MTHFD2L: variants seen among roughly 807,000 people sequenced by gnomAD.
MTHFD2L encodes bifunctional methylenetetrahydrofolate dehydrogenase/cyclohydrolase 2, mitochondrial.
MTHFD2L carries 29 observed loss-of-function variants against 34.9 expected under a neutral mutation model. The observed-to-expected ratio is 0.83, with a 90% CI of 0.62 to 1.13. The LOEUF (loss-of-function observed/expected upper bound fraction) is 1.13, where lower values mean the gene tolerates loss of function less well. MTHFD2L is among the 50% of genes most tolerant of loss of function. MTHFD2L has a pLI of 0.00. For missense variants in MTHFD2L, 481 were observed against 446.5 expected (o/e 1.08, Z -0.70); for synonymous variants, 167 against 155.7 (o/e 1.07, Z -0.54).
intron 5 of MTHFD2L, among the ~76,000 whole-genome samples, chr4:74,216,834 C>G (rs7681763): frequency 5.3e-5 from 8 of 151,482 alleles, no homozygotes; most frequent in Non-Finnish European, 1.2e-4. Flanking sequence ...CTAGTTAAGA[C>G]AACTTCTATT....
rs1722919990 is a variant in MTHFD2L, at chr4:74,136,236, T to C, written c.-297+10719T>C. ...TATATGCAGAAAAACCTAAAGACTCTACCAAAAAAAACTGTTATAACTCAT... is the reference window on the plus strand; with the variant it reads ...TATATGCAGAAAAACCTAAAGACTCCACCAAAAAAAACTGTTATAACTCAT... On this transcript the variant is annotated intron_variant, in intron 1 of 7. Coordinates refer to the MTHFD2L transcript ENST00000433372. 3.3e-5 allele frequency among the ~76,000 whole-genome samples: 5 copies of C among 152,070 alleles called. 1 individual carries two copies. The South Asian group carries it at 1.0e-3, about 32-fold the overall frequency.
chr4:74,163,205 C>T (rs1306659678), intron 1 of MTHFD2L, among the ~76,000 whole-genome samples: 1 of 152,094 alleles, frequency 6.6e-6, no homozygotes, highest in Non-Finnish European at 1.5e-5. Flanking sequence ...ATCATCTGCA[C>T]ATCACTATTT....
intron 6 of MTHFD2L, among the ~76,000 whole-genome samples, chr4:74,263,318 T>C (rs986624415): frequency 2.0e-5 from 3 of 152,066 alleles, no homozygotes; most frequent in Non-Finnish European, 4.4e-5. Flanking sequence ...TTTGAGCTCT[T>C]TTTTGGTTCC....
chr4:74,236,048 G>A (rs150760575), intron 6 of MTHFD2L, among the ~76,000 whole-genome samples: 49 of 152,172 alleles, frequency 3.2e-4, no homozygotes, highest in Non-Finnish European at 5.4e-4. Context: ...TTTAATAAAT[G>A]TTCCCAGCAG....
intron 6 of MTHFD2L, among the ~76,000 whole-genome samples, chr4:74,240,162 C>T (rs1741489792): frequency 6.6e-6 from 1 of 152,176 alleles, no homozygotes; most frequent in Non-Finnish European, 1.5e-5. Context: ...GGAAGCTCTG[C>T]AAAGGGTTTT....
At chr4:74,180,895 T>C (rs752868659) in intron 3 of MTHFD2L, 9 of 185,824 alleles carry the variant, frequency 4.8e-5, no homozygotes, top group Non-Finnish European at 1.1e-4. Context: ...ATTTATGTTA[T>C]ATTCTTTTTT....
intron 6 of MTHFD2L, among the ~76,000 whole-genome samples, chr4:74,256,363 G>A (rs1744027121): frequency 1.3e-5 from 2 of 151,942 alleles, no homozygotes. Flanking sequence ...TGCCTGTCTC[G>A]GTACCTCCCA....
At chr4:74,254,402 TAAAC>T (rs1743715322) in intron 6 of MTHFD2L, among the ~76,000 whole-genome samples, 2 of 152,296 alleles carry the variant, frequency 1.3e-5, no homozygotes, top group South Asian at 4.1e-4. Flanking sequence ...TGAATCATCT[TAAAC>T]AAGAGAACCC....
At position 74,246,298 on chromosome 4, in the gene MTHFD2L, G is replaced by A. The variant is rs950232422; in HGVS notation, c.805+20904G>A. 6.6e-5 allele frequency among the ~76,000 whole-genome samples: 10 copies of A among 151,824 alleles called. No homozygotes were observed. The East Asian group carries it at 9.7e-4, about 15-fold the overall frequency. On this transcript the variant is annotated intron_variant, in intron 6 of 7. Transcript: ENST00000325278. ...CTTCTTTTGAGAAGTGTCTGTTCAT[G>A]TCCTTTGCCCACTTTTTGATGGGGT...
chr4:74,297,854 T>C (rs1006889005), intron 7 of MTHFD2L, among the ~76,000 whole-genome samples: 3 of 152,136 alleles, frequency 2.0e-5, no homozygotes, highest in Admixed American at 2.0e-4. Context: ...GAAATAGTTA[T>C]GCAAAATCAT....
intron 6 of MTHFD2L, among the ~76,000 whole-genome samples, chr4:74,281,192 T>C (rs1747417624): frequency 6.6e-6 from 1 of 152,114 alleles, no homozygotes; most frequent in African/African-American, 2.4e-5. Flanking sequence ...GAGCCATCTC[T>C]GAAGTGAGAG....
chr4:74,140,163 A>T (rs2109831504), intron 1 of MTHFD2L, among the ~76,000 whole-genome samples: 1 of 152,044 alleles, frequency 6.6e-6, no homozygotes, highest in East Asian at 1.9e-4. Flanking sequence ...AAAATAGCTG[A>T]CATGGTGGCA....
intron 6 of MTHFD2L, 107 bp from the exon 7 acceptor site, chr4:74,281,318 C>A: frequency 1.3e-6 from 1 of 763,092 alleles, no homozygotes; most frequent in Non-Finnish European, 1.8e-6. Flanking sequence ...CAATGTATTA[C>A]ACATACGTGT....
At chr4:74,250,957 A>T (rs1017249459) in intron 6 of MTHFD2L, among the ~76,000 whole-genome samples, 1 of 152,154 alleles carries the variant, frequency 6.6e-6, no homozygotes, top group Admixed American at 6.5e-5. Context: ...CCCTTATGTT[A>T]TTCCCTCTCA....
chr4:74,175,233 A>G, intron 2 of MTHFD2L, 48 bp from the exon 3 acceptor site: 1 of 1,593,160 alleles, frequency 6.3e-7, no homozygotes, highest in Non-Finnish European at 8.6e-7. Flanking sequence ...TTGATGAAAA[A>G]CCATATTCAG....
chr4:74,161,887 T>C (rs983984830), intron 1 of MTHFD2L: 2 of 152,228 alleles, frequency 1.3e-5, no homozygotes, highest in Admixed American at 6.5e-5. Flanking sequence ...AATTACACTT[T>C]GGCTTAGAGA....
Position 74,175,364 on chromosome 4 carries a change from C to G in MTHFD2L, c.412C>G (p.Pro138Ala), listed in dbSNP as rs761650664. The G allele has an allele frequency of 6.2e-7, 1 of 1,612,596 alleles. No individual in the cohort carries two copies. ...LDVTDQLNMD[P>A]RVSGILVQLP... ...CGTAACTGATCAATTGAATATGGAC[C>G]CAAGAGTCAGCGGTATATTAGTTCA... The change falls in exon 3 of 8, where the codon CCA (proline) becomes GCA (alanine). Residue 138 changes from proline to alanine, a missense_variant. Coordinates refer to ENST00000325278, the MANE Select transcript of MTHFD2L (RefSeq NM_001144978.3).
chr4:74,225,249 A>G, intron 5 of MTHFD2L, 53 bp from the exon 6 acceptor site: 3 of 1,359,330 alleles, frequency 2.2e-6, no homozygotes, highest in South Asian at 1.2e-5. Flanking sequence ...TAGAGCATTT[A>G]TAAAATTTTT....
At chr4:74,160,495 C>T (rs181218799) in intron 1 of MTHFD2L, 2 of 154,130 alleles carry the variant, frequency 1.3e-5, no homozygotes, top group East Asian at 1.9e-4. Context: ...TTTGAAGTAT[C>T]GTTTAACATT....
Sources: allele counts gnomAD v4.1 joint callset (sites outside exome capture counted in the v4.1 genomes callset), GRCh38; gene constraint gnomAD v4.1.1; transcripts MANE v1.5; gene names NCBI Gene and HGNC (gene_info 2026-07-23, HGNC 2026-07-21).